Variants in COL28A1 observed in about 807,000 individuals in gnomAD.
The protein encoded by COL28A1 is collagen type XXVIII alpha 1 chain, also known as collagen alpha-1(XXVIII) chain.
A neutral mutation model predicts 150.2 loss-of-function variants in COL28A1; 161 were observed. The observed-to-expected ratio is 1.07, with a 90% confidence interval of 0.94 to 1.22. The LOEUF (loss-of-function observed/expected upper bound fraction) is 1.22. Among genes scored for constraint, COL28A1 ranks in the 50% most tolerant of loss-of-function variants. COL28A1 has a pLI of 0.00. For synonymous variants in COL28A1, 552 were observed against 469.7 expected (o/e 1.18, Z -2.26); for missense variants, 1,617 against 1,388.3 (o/e 1.16, Z -2.62).
chr7:7,493,404 G>C (rs1317608379), intron 11 of COL28A1, among the ~76,000 whole-genome samples: 4 of 152,070 alleles, frequency 2.6e-5, no homozygotes, highest in African/African-American at 9.7e-5. Flanking sequence ...AGTAGAAGCA[G>C]CTCTCTTACC....
intron 6 of COL28A1, among the ~76,000 whole-genome samples, chr7:7,519,337 C>T (rs1021536187): frequency 6.6e-6 from 1 of 152,192 alleles, no homozygotes; most frequent in African/African-American, 2.4e-5. Context: ...CCAGTCTCTC[C>T]CACCACATGT....
At chr7:7,435,347 G>A (rs114701461) in intron 23 of COL28A1, among the ~76,000 whole-genome samples, 1,667 of 152,328 alleles carry the variant, frequency 0.011, 37 homozygotes, top group African/African-American at 0.038. Flanking sequence ...GTCCCCATGA[G>A]CTGTCTATAT....
chr7:7,510,756 C>T (rs1408239666), intron 9 of COL28A1, among the ~76,000 whole-genome samples: 1 of 152,190 alleles, frequency 6.6e-6, no homozygotes. Flanking sequence ...GTGTTTGCAT[C>T]TGGAAAGCAC....
chr7:7,463,148 A>C (rs2128339838), intron 15 of COL28A1, among the ~76,000 whole-genome samples: 1 of 152,262 alleles, frequency 6.6e-6, no homozygotes, highest in South Asian at 2.1e-4. Context: ...CCCCTGCTAG[A>C]GAACTAGATA....
At chr7:7,476,203 T>C (rs1788868611) in intron 14 of COL28A1, among the ~76,000 whole-genome samples, 2 of 152,130 alleles carry the variant, frequency 1.3e-5, no homozygotes, top group African/African-American at 2.4e-5. Flanking sequence ...TGTATATGCA[T>C]GTGTGTGTTT....
chr7:7,343,969 C>T, the COL28A1 span, among the ~76,000 whole-genome samples: 6 of 151,756 alleles, frequency 4.0e-5, no homozygotes, highest in Non-Finnish European at 4.4e-5. Context: ...TATTGTACTA[C>T]TGCCTCCAGC....
chr7:7,370,797 T>C lies in COL28A1; in HGVS notation c.2994A>G (p.Gln998=), dbSNP rs1562481186. Residue 998 remains glutamine, a synonymous_variant, in exon 33 of 35, where the codon CAA becomes CAG. Coordinates refer to ENST00000399429, the MANE Select transcript of COL28A1 (RefSeq NM_001037763.3). ...CTTCCCCTGACATCCCAAATCCAGG[T>C]TGAGGTGACGATGAACCAAAAATTT... ...LVQIFGSSSP[Q]PGFGMSGEEL... 2 of 1,613,596 alleles carry C rather than the reference T, an allele frequency of 1.2e-6. No homozygotes were observed. Among genetic ancestry groups the C allele is most frequent in the Admixed American group, 1.7e-5 (1 of 59,982 alleles).
the COL28A1 span, among the ~76,000 whole-genome samples, chr7:7,347,699 C>T: frequency 8.5e-5 from 13 of 152,150 alleles, no homozygotes; most frequent in Middle Eastern, 3.4e-3. Flanking sequence ...CTTATATAGT[C>T]TGTAGGAGAC....
At position 7,492,962 on chromosome 7, in the gene COL28A1, T is replaced by C. The variant is rs868244837; in HGVS notation, c.1027-2316A>G. Among the ~76,000 whole-genome samples, 40 of 148,760 alleles carry C rather than the reference T, an allele frequency of 2.7e-4. 1 individual carries two copies. Among genetic ancestry groups the C allele is most frequent in the Admixed American group, 5.4e-4 (8 of 14,868 alleles). ...ATGGAATTTATATATATATGTTACA[T>C]AATATATGTAACATTATATATACCT... On this transcript the variant is annotated intron_variant, in intron 11 of 34. Coordinates refer to ENST00000399429, the MANE Select transcript of COL28A1 (RefSeq NM_001037763.3).
chr7:7,425,266 C>A (rs1202306130), intron 25 of COL28A1, among the ~76,000 whole-genome samples: 1 of 152,118 alleles, frequency 6.6e-6, no homozygotes, highest in Non-Finnish European at 1.5e-5. Flanking sequence ...ACTCCAGAAC[C>A]CATCTCCCAT....
At position 7,373,390 on chromosome 7, in the gene COL28A1, A is replaced by G. The variant is rs781285336; in HGVS notation, c.2516T>C (p.Ile839Thr). 3.1e-6 allele frequency: 5 copies of G among 1,614,184 alleles called. No homozygotes were observed. In the South Asian group the frequency reaches 5.5e-5, roughly 18 times the overall value. ...ALDLATARIG[I>T]INYSHKVEKV... is the part of the protein sequence containing the mutation. ...CTCCACCTTATGGCTATAGTTGATT[A>G]TGCCTATGCGGGCCGTGGCAAGGTC... The change falls in exon 32 of 35, where the codon ATA becomes ACA. Residue 839 changes from isoleucine (I) to threonine (T), a missense_variant. By Grantham distance (89) the Ile-to-Thr change is moderately conservative. Transcript: ENST00000399429. This position sits in a 1 kb window ranked among gnomAD's most constrained non-coding sequence, Gnocchi z 4.1.
upstream of COL28A1, among the ~76,000 whole-genome samples, chr7:7,539,283 T>C (rs147706257): frequency 0.017 from 2,531 of 152,284 alleles, 24 homozygotes; most frequent in Middle Eastern, 0.027. Context: ...CTGCTTCTAC[T>C]CATGGCAGAA....
chr7:7,478,997 C>T (rs917448586), intron 13 of COL28A1, among the ~76,000 whole-genome samples: 7 of 152,206 alleles, frequency 4.6e-5, no homozygotes, highest in Admixed American at 6.5e-5. Context: ...CACAGTGCAG[C>T]GGTGGGCTGA....
intron 11 of COL28A1, among the ~76,000 whole-genome samples, chr7:7,504,524 G>A (rs1291016771): frequency 1.3e-5 from 2 of 152,006 alleles, no homozygotes; most frequent in African/African-American, 4.8e-5. Flanking sequence ...AGAAGAAGAA[G>A]AAGAAAAGGA....
chr7:7,538,661 A>T (rs1174933581), upstream of COL28A1, among the ~76,000 whole-genome samples: 1 of 152,120 alleles, frequency 6.6e-6, no homozygotes, highest in Non-Finnish European at 1.5e-5. Context: ...GGGTCCTAGA[A>T]TCATTTAAAA....
chr7:7,488,761 C>A (rs1369882172), intron 13 of COL28A1, among the ~76,000 whole-genome samples: 1 of 152,086 alleles, frequency 6.6e-6, no homozygotes, highest in Non-Finnish European at 1.5e-5. Flanking sequence ...CTCATGGTTA[C>A]AAAGAAATCC....
Position 7,373,991 on chromosome 7 carries a change from G to A in COL28A1, c.2360-445C>T, listed in dbSNP as rs1055489472. Among the ~76,000 whole-genome samples the A allele has an allele frequency of 8.6e-5, 12 of 140,234 alleles. No homozygotes were observed. Among genetic ancestry groups the A allele is most frequent in the Non-Finnish European group, 1.4e-4 (9 of 66,600 alleles). The allele number at this position is 140,234 out of a possible 152,430, so 92.0% of individuals were successfully genotyped here. On this transcript the variant is annotated intron_variant, in intron 31 of 34. Coordinates refer to ENST00000399429, the MANE Select transcript of COL28A1 (RefSeq NM_001037763.3). The surrounding 1 kb of genome is among the most constrained non-coding windows in gnomAD (Gnocchi z 4.1). ...TGGGATTACAGGCGTGAGCCACCGC[G>A]CCCGGCCCCTTCTGGTTTCTATACT... is the stretch of plus-strand genomic sequence containing the variant.
chr7:7,396,641 G>A (rs1039790319), intron 27 of COL28A1, among the ~76,000 whole-genome samples: 2 of 152,200 alleles, frequency 1.3e-5, no homozygotes, highest in African/African-American at 4.8e-5. Context: ...CAGAATCAAT[G>A]AGTAAGTTAC....
chr7:7,418,042 T>C (rs1784202696), intron 26 of COL28A1, 115 bp from the exon 27 acceptor site: 1 of 752,926 alleles, frequency 1.3e-6, no homozygotes, highest in Non-Finnish European at 2.1e-6. Context: ...AGGACTTTCA[T>C]GCTGCCTATA....
Sources: allele counts gnomAD v4.1 joint callset (sites outside exome capture counted in the v4.1 genomes callset), GRCh38; gene constraint gnomAD v4.1.1; non-coding constraint Gnocchi (gnomAD v3.1); transcripts MANE v1.5; gene names NCBI Gene and HGNC (gene_info 2026-07-23, HGNC 2026-07-21).